SPECC1: variants seen among roughly 807,000 people sequenced by gnomAD.
SPECC1 encodes sperm antigen with calponin homology and coiled-coil domains 1, also known as cytospin-B.
Under a neutral mutation model 104.1 loss-of-function variants are expected in SPECC1, and 62 were observed. The observed-to-expected ratio is 0.60, with a 90% CI of 0.49 to 0.74. The LOEUF is 0.74. SPECC1 is among the 30% of genes least tolerant of loss of function. The pLI is 0.00. For synonymous variants in SPECC1, 513 were observed against 501.6 expected, an observed-to-expected ratio of 1.02 and a Z score of -0.30; for missense variants, 1,306 against 1,310.5, an observed-to-expected ratio of 1.00 and a Z score of 0.05.
intron 3 of SPECC1, among the ~76,000 whole-genome samples, chr17:20,119,332 A>G (rs1187102457): frequency 6.6e-6 from 1 of 152,202 alleles, no homozygotes; most frequent in Non-Finnish European, 1.5e-5. Flanking sequence ...TCCTGAGTTC[A>G]AGTGATTCTC....
intron 3 of SPECC1, among the ~76,000 whole-genome samples, chr17:20,193,480 T>C (rs886916111): frequency 3.4e-4 from 51 of 152,230 alleles, no homozygotes; most frequent in African/African-American, 1.2e-3. Context: ...TGAAGATTCA[T>C]CTTCTATAAC....
At chr17:20,076,339 A>G (rs1376796963) in intron 1 of SPECC1, among the ~76,000 whole-genome samples, 1 of 152,160 alleles carries the variant, frequency 6.6e-6, no homozygotes, top group Non-Finnish European at 1.5e-5. Context: ...AGCTGGGATT[A>G]CAGGCGTGTG....
At chr17:20,268,623 T>C (rs1047598995) in intron 12 of SPECC1, among the ~76,000 whole-genome samples, 2 of 152,242 alleles carry the variant, frequency 1.3e-5, no homozygotes, top group Admixed American at 1.3e-4. Flanking sequence ...CACTGTGGGC[T>C]TCCACTCTAT....
At chr17:20,290,541 G>T (rs1173187941) in intron 12 of SPECC1, among the ~76,000 whole-genome samples, 2 of 151,758 alleles carry the variant, frequency 1.3e-5, no homozygotes, top group Admixed American at 6.6e-5. Flanking sequence ...TTGAGACAGG[G>T]TTTCACTCTG....
intron 1 of SPECC1, among the ~76,000 whole-genome samples, chr17:20,051,121 TTTCTTTCTTTCTTTCTTTCCTTCTTTCC>T (rs2045751109): frequency 5.9e-4 from 67 of 113,638 alleles, no homozygotes; most frequent in African/African-American, 1.8e-3. Context: ...TCTTTCTTTC[TTTCTTTCTTTCTTTCTTTCCTTCTTTCC>T]TTCTTTCCTT....
At chr17:20,078,576 C>G (rs2046851719) in intron 1 of SPECC1, among the ~76,000 whole-genome samples, 1 of 151,968 alleles carries the variant, frequency 6.6e-6, no homozygotes, top group Non-Finnish European at 1.5e-5. Context: ...GCAATCATAA[C>G]CAATGGGAAC....
intron 2 of SPECC1, among the ~76,000 whole-genome samples, chr17:20,106,447 T>G (rs1296390363): frequency 1.3e-5 from 2 of 152,158 alleles, no homozygotes; most frequent in African/African-American, 4.8e-5. Context: ...ACTTCTGGAT[T>G]AACTCAAGTG....
intron 1 of SPECC1, among the ~76,000 whole-genome samples, chr17:20,093,402 T>C (rs1050788925): frequency 1.3e-5 from 2 of 152,198 alleles, no homozygotes; most frequent in Non-Finnish European, 2.9e-5. Flanking sequence ...ATTCAGATCA[T>C]AGCAGGAGGT....
intron 12 of SPECC1, among the ~76,000 whole-genome samples, chr17:20,268,338 C>T (rs1424447361): frequency 6.6e-6 from 1 of 152,172 alleles, no homozygotes; most frequent in African/African-American, 2.4e-5. Flanking sequence ...CTGAATTTTG[C>T]TTTGAATCTG....
In SPECC1 at chr17:20,284,039, T is replaced by G. The variant is rs890213880; in HGVS notation, c.2941-12922T>G. ...TTGCATTTTGTGCCTTAGATGGCTT[T>G]CTTTCCCCAGGATTATAAGCCTATT... On this transcript the variant is annotated intron_variant, in intron 12 of 14. Transcript: ENST00000395527. 3.9e-5 allele frequency among the ~76,000 whole-genome samples: 6 copies of G among 152,382 alleles called. No homozygotes were observed. In the South Asian group the frequency reaches 1.2e-3, roughly 32 times the overall value.
intron 4 of SPECC1, among the ~76,000 whole-genome samples, chr17:20,210,137 T>C (rs1339849317): frequency 6.6e-6 from 1 of 152,010 alleles, no homozygotes; most frequent in African/African-American, 2.4e-5. Context: ...TTGAGGGAAA[T>C]ATGTGGCAAA....
At chr17:20,264,092 C>T (rs763663470) in intron 12 of SPECC1, among the ~76,000 whole-genome samples, 56 of 152,176 alleles carry the variant, frequency 3.7e-4, no homozygotes, top group Non-Finnish European at 7.5e-4. Flanking sequence ...TAGTCTTGTT[C>T]TCTCAGAATT....
chr17:20,149,878 G>A (rs998351096), intron 3 of SPECC1, among the ~76,000 whole-genome samples: 1 of 152,154 alleles, frequency 6.6e-6, no homozygotes, highest in African/African-American at 2.4e-5. Context: ...AATATATAAT[G>A]TACTTAGAAT....
intron 4 of SPECC1, among the ~76,000 whole-genome samples, chr17:20,206,936 A>G (rs2036823303): frequency 6.6e-6 from 1 of 152,208 alleles, no homozygotes; most frequent in Non-Finnish European, 1.5e-5. Flanking sequence ...AAGATCTTCC[A>G]TAGCCCAAGA....
chr17:20,300,257 G>C (rs1456885788), intron 13 of SPECC1, among the ~76,000 whole-genome samples: 1 of 152,174 alleles, frequency 6.6e-6, no homozygotes, highest in East Asian at 1.9e-4. Flanking sequence ...GGACCAGGAA[G>C]GAGCAGCCAG....
At chr17:20,199,115 C>G (rs56321982) in intron 3 of SPECC1, among the ~76,000 whole-genome samples, 7 of 103,960 alleles carry the variant, frequency 6.7e-5, no homozygotes, top group Admixed American at 4.4e-4. Flanking sequence ...GAAACAGAGT[C>G]TTACTCTGTT....
chr17:20,200,584 G>A (rs1456860114), intron 3 of SPECC1, among the ~76,000 whole-genome samples: 1 of 152,202 alleles, frequency 6.6e-6, no homozygotes, highest in Non-Finnish European at 1.5e-5. Context: ...TGCTGTGTAA[G>A]GAAGCATGGC....
At chr17:20,223,714 T>G (rs2038037331) in intron 4 of SPECC1, among the ~76,000 whole-genome samples, 1 of 152,116 alleles carries the variant, frequency 6.6e-6, no homozygotes, top group African/African-American at 2.4e-5. Flanking sequence ...ATTAAATATA[T>G]CGAAAGGATT....
chr17:20,243,948 G>A (rs1396840630), intron 7 of SPECC1, among the ~76,000 whole-genome samples: 1 of 152,138 alleles, frequency 6.6e-6, no homozygotes, highest in Non-Finnish European at 1.5e-5. Flanking sequence ...CAGGCGCAGT[G>A]GCTCATGCCT....
Sources: allele counts gnomAD v4.1 joint callset (sites outside exome capture counted in the v4.1 genomes callset), GRCh38; gene constraint gnomAD v4.1.1; transcripts MANE v1.5; gene names NCBI Gene and HGNC (gene_info 2026-07-23, HGNC 2026-07-21).